The following SLC45A4 variants were observed in gnomAD, a reference collection of about 807,000 sequenced individuals.
SLC45A4 encodes the protein polyamine-transporter SLC45A4.
A neutral mutation model predicts 63.7 loss-of-function variants in SLC45A4; 32 were observed. The observed-to-expected ratio is 0.50, with a 90% confidence interval of 0.38 to 0.67. SLC45A4 has a LOEUF of 0.67. SLC45A4 is among the 30% of genes least tolerant of loss of function. The pLI, the probability that SLC45A4 is intolerant of heterozygous loss-of-function variation, is 0.00. For missense variants in SLC45A4, 1,027 were observed against 1,157.7 expected, an observed-to-expected ratio of 0.89 and a Z score of 1.64; for synonymous variants, 535 against 510.0, an observed-to-expected ratio of 1.05 and a Z score of -0.66.
intron 5 of SLC45A4, 117 bp from the exon 6 acceptor site, chr8:141,217,306 A>G: frequency 9.4e-7 from 1 of 1,066,566 alleles, no homozygotes; most frequent in South Asian, 1.5e-5. Flanking sequence ...GTGACAGGAA[A>G]GTCCCATCCA....
intron 1 of SLC45A4, among the ~76,000 whole-genome samples, chr8:141,291,538 G>A (rs1056203351): frequency 1.3e-5 from 2 of 152,222 alleles, no homozygotes; most frequent in Non-Finnish European, 2.9e-5. Context: ...AAGTAACAGC[G>A]CAGATCACTA....
At chr8:141,253,784 T>C (rs1312037656) in intron 2 of SLC45A4, among the ~76,000 whole-genome samples, 1 of 152,022 alleles carries the variant, frequency 6.6e-6, no homozygotes, top group Non-Finnish European at 1.5e-5. Context: ...AACGTCAACA[T>C]CCGAAGATCA....
At chr8:141,294,230 T>G (rs1830459925) in intron 1 of SLC45A4, among the ~76,000 whole-genome samples, 1 of 152,084 alleles carries the variant, frequency 6.6e-6, no homozygotes, top group Admixed American at 6.5e-5. Flanking sequence ...CTGGGGACAA[T>G]GTGCCACCTG....
chr8:141,294,944 G>A (rs2154615343), intron 1 of SLC45A4, among the ~76,000 whole-genome samples: 1 of 152,324 alleles, frequency 6.6e-6, no homozygotes, highest in Admixed American at 6.5e-5. Context: ...AGTGAGTCAG[G>A]AACTGGCAGG....
In SLC45A4 at chr8:141,280,422, A is replaced by G. The variant is rs535801479; in HGVS notation, c.-400-25793T>C. Among the ~76,000 whole-genome samples the G allele has an allele frequency of 4.6e-5, 7 of 152,362 alleles. No homozygotes were observed. In the South Asian group the frequency reaches 1.4e-3, roughly 32 times the overall value. ...AATAAAAGGGAACAAAGGAGCATTC[A>G]AGCTTAGATTTGATTCCAACTTACT... On this transcript the variant is annotated intron_variant, in intron 1 of 8. Coordinates refer to ENST00000517878, the MANE Select transcript of SLC45A4 (RefSeq NM_001286646.2).
rs1403551122 is a variant in SLC45A4, at chr8:141,221,700, G to A, written c.307C>T (p.Pro103Ser). Residue 103 changes from proline (P) to serine (S), a missense_variant, in exon 3 of 9, where the codon CCT becomes TCT. Physicochemically the swap from Pro to Ser is moderately conservative, Grantham distance 74. Coordinates refer to ENST00000517878, the MANE Select transcript of SLC45A4 (RefSeq NM_001286646.2). ...CGGTCACTCGCAGACCCAATGAGAG[G>A]TGTGAAGATGAGGCCAAGGATGGGG... is the stretch of plus-strand genomic sequence containing the variant. ...LSPILGLIFTPLIGSASDRCT... is the reference protein window; with the variant it reads ...LSPILGLIFTSLIGSASDRCT... 1.2e-6 allele frequency: 2 copies of A among 1,614,016 alleles called. No individual in the cohort carries two copies. Among genetic ancestry groups the A allele is most frequent in the Non-Finnish European group, 1.7e-6 (2 of 1,180,050 alleles).
At chr8:141,244,241 C>A (rs1828056966) in intron 2 of SLC45A4, among the ~76,000 whole-genome samples, 1 of 152,194 alleles carries the variant, frequency 6.6e-6, no homozygotes, top group Admixed American at 6.5e-5. Context: ...CAGGAGGTTC[C>A]CCTGTGCCTC....
chr8:141,216,137 A>ATT (rs1826136747), intron 6 of SLC45A4, among the ~76,000 whole-genome samples, 167 bp from the exon 7 acceptor site: 2 of 151,618 alleles, frequency 1.3e-5, no homozygotes, highest in Admixed American at 1.3e-4. Flanking sequence ...TCCGGCACGT[A>ATT]TTTGTAGCTC....
chr8:141,278,454 A>G lies in SLC45A4; in HGVS notation c.-400-23825T>C, dbSNP rs980068958. 1 of 151,030 alleles carries G rather than the reference A, an allele frequency of 6.6e-6. No individual in the cohort carries two copies. The highest frequency in any genetic ancestry group is 1.5e-5 in the Non-Finnish European group (1 of 68,496). 9.4% of individuals were successfully genotyped at this position (151,030 alleles called of 1,614,324 possible). On this transcript the variant is annotated intron_variant, in intron 1 of 8. Coordinates refer to ENST00000517878, the MANE Select transcript of SLC45A4 (RefSeq NM_001286646.2). The surrounding 1 kb of genome is among the most constrained non-coding windows in gnomAD (Gnocchi z 4.1). Reference sequence around the variant, plus strand: ...CGAGGACACTGGCGGGACAGGGGTGAGCACAACCCACGAGGACACTGGCGG... The same window carrying G: ...CGAGGACACTGGCGGGACAGGGGTGGGCACAACCCACGAGGACACTGGCGG...
intron 5 of SLC45A4, among the ~76,000 whole-genome samples, chr8:141,217,738 C>T (rs1346947595): frequency 1.3e-5 from 2 of 152,216 alleles, no homozygotes; most frequent in Non-Finnish European, 2.9e-5. Flanking sequence ...CAGTAACAGA[C>T]ACCCCGTTCA....
chr8:141,290,358 GGTTGA>G, intron 1 of SLC45A4, among the ~76,000 whole-genome samples: 1 of 152,022 alleles, frequency 6.6e-6, no homozygotes, highest in East Asian at 1.9e-4. Context: ...CTGGGCTCAG[GGTTGA>G]GAATTCCACC....
intron 2 of SLC45A4, chr8:141,228,425 A>T (rs1201920612): frequency 1.4e-6 from 2 of 1,421,238 alleles, no homozygotes; most frequent in Admixed American, 5.6e-5. Context: ...AGCCAGCGGG[A>T]ACATTCCGCA....
chr8:141,264,214 T>C (rs917230642), intron 1 of SLC45A4, among the ~76,000 whole-genome samples: 1 of 152,148 alleles, frequency 6.6e-6, no homozygotes, highest in Non-Finnish European at 1.5e-5. Context: ...CTTGGATCCA[T>C]ATGCTCGAGT....
chr8:141,223,922 T>A (rs1166718750), intron 2 of SLC45A4, among the ~76,000 whole-genome samples: 1 of 152,024 alleles, frequency 6.6e-6, no homozygotes, highest in East Asian at 1.9e-4. Flanking sequence ...CTTTACCATT[T>A]CCAGCAGTCC....
At chr8:141,212,872 C>T (rs1413568368) in intron 7 of SLC45A4, among the ~76,000 whole-genome samples, 2 of 152,214 alleles carry the variant, frequency 1.3e-5, no homozygotes, top group Non-Finnish European at 2.9e-5. Context: ...CTCCACCAGG[C>T]GGGCTCCCCC....
At chr8:141,294,215 G>A (rs910775968) in intron 1 of SLC45A4, among the ~76,000 whole-genome samples, 1 of 152,200 alleles carries the variant, frequency 6.6e-6, no homozygotes, top group African/African-American at 2.4e-5. Context: ...CCCTGCCTGA[G>A]CTTCCTGGGG....
chr8:141,295,143 G>C (rs980274448), intron 1 of SLC45A4, among the ~76,000 whole-genome samples: 5 of 152,228 alleles, frequency 3.3e-5, no homozygotes, highest in Non-Finnish European at 5.9e-5. Context: ...GCGCTGTGTG[G>C]TCAGAGAGGA....
intron 2 of SLC45A4, chr8:141,252,314 G>A (rs10108156): frequency 0.66 from 101,527 of 154,040 alleles, 33,676 homozygotes; most frequent in East Asian, 0.87. Flanking sequence ...ATCTGGAAGA[G>A]ACACCACATC....
rs753778 is a variant in SLC45A4, at chr8:141,218,810, G to A, written c.830C>T (p.Pro277Leu). 508,341 of 1,612,892 alleles carry A rather than the reference G, an allele frequency of 0.32. 82,243 individuals are homozygous for A. The highest frequency in any genetic ancestry group is 0.45 in the Admixed American group (26,917 of 59,998). The change falls in exon 5 of 9, where the codon CCG (proline) becomes CTG (leucine). Residue 277 changes from proline to leucine, a missense_variant. Transcript: ENST00000517878. ...GTCTGGGAAGGCAGGGACGCCGTGC[G>A]GCTCGCCCCCATCCAGGGCGCCGGG... is the stretch of plus-strand genomic sequence containing the variant. ...EEPGALDGGEPHGVPAFPDEV... is the reference protein window; with the variant it reads ...EEPGALDGGELHGVPAFPDEV...
Sources: allele counts gnomAD v4.1 joint callset (sites outside exome capture counted in the v4.1 genomes callset), GRCh38; gene constraint gnomAD v4.1.1; non-coding constraint Gnocchi (gnomAD v3.1); transcripts MANE v1.5; gene names NCBI Gene and HGNC (gene_info 2026-07-23, HGNC 2026-07-21).